Variants in TBC1D14 observed in about 807,000 individuals in gnomAD.
The protein encoded by TBC1D14 is TBC1 domain family, member 14.
TBC1D14 carries 26 observed loss-of-function variants against 79.0 expected under a neutral mutation model. That is an observed-to-expected ratio of 0.33 (90% CI 0.24 to 0.46). The LOEUF is 0.46. Ranked by LOEUF, TBC1D14 falls within the 20% of genes least tolerant of loss-of-function variation. TBC1D14 has a pLI of 1.00. For synonymous variants in TBC1D14, 394 were observed against 349.9 expected (o/e 1.13, Z -1.40); for missense variants, 769 against 887.6 (o/e 0.87, Z 1.70).
chr4:6,995,040 A>G (rs115167213), intron 4 of TBC1D14, among the ~76,000 whole-genome samples: 159 of 152,260 alleles, frequency 1.0e-3, no homozygotes, highest in African/African-American at 3.7e-3. Flanking sequence ...CTCTCCTGCA[A>G]GTGATGGTTG....
chr4:6,985,618 C>T (rs1011393602), intron 3 of TBC1D14, among the ~76,000 whole-genome samples: 4 of 152,164 alleles, frequency 2.6e-5, no homozygotes, highest in Non-Finnish European at 4.4e-5. Flanking sequence ...TTGGGGTTAT[C>T]TTTTCTTTTG....
chr4:6,960,178 C>T (rs1715056126), intron 2 of TBC1D14, among the ~76,000 whole-genome samples: 1 of 149,318 alleles, frequency 6.7e-6, no homozygotes. Flanking sequence ...GCCTCCGGGG[C>T]TCAAGTGATC....
chr4:6,926,338 G>A (rs1309775761), intron 2 of TBC1D14, among the ~76,000 whole-genome samples: 2 of 152,156 alleles, frequency 1.3e-5, no homozygotes, highest in African/African-American at 2.4e-5. Flanking sequence ...TTCTGCCGCC[G>A]TTGTGATTCA....
chr4:6,913,048 C>A (rs1349860494), intron 1 of TBC1D14, among the ~76,000 whole-genome samples: 4 of 152,174 alleles, frequency 2.6e-5, no homozygotes, highest in Admixed American at 6.5e-5. Context: ...GGCTGGAGTG[C>A]AATGGTGTGA....
At chr4:6,989,365 C>T (rs1394019289) in intron 3 of TBC1D14, among the ~76,000 whole-genome samples, 1 of 152,200 alleles carries the variant, frequency 6.6e-6, no homozygotes, top group Non-Finnish European at 1.5e-5. Context: ...CTGCACCATT[C>T]CCGGTTCAAA....
At chr4:6,958,858 G>C (rs113560740) in intron 2 of TBC1D14, among the ~76,000 whole-genome samples, 6 of 151,232 alleles carry the variant, frequency 4.0e-5, no homozygotes, top group Non-Finnish European at 5.9e-5. Flanking sequence ...TCATTGGCCA[G>C]TTTATTGGTC....
At position 7,014,440 on chromosome 4, in the gene TBC1D14, C is replaced by T. The variant is rs751294368; in HGVS notation, c.1648-8C>T. The T allele has an allele frequency of 6.3e-7, 1 of 1,584,930 alleles. No homozygotes were observed. Among genetic ancestry groups the T allele is most frequent in the Non-Finnish European group, 8.7e-7 (1 of 1,154,708 alleles). ...AGTTTCTGAGTAAATTTCATATTAT[C>T]TCCCTAGATGTTGACTTATTTTGCT... On this transcript the variant is annotated splice_polypyrimidine_tract_variant and splice_region_variant and intron_variant, in intron 11 of 13. Coordinates refer to ENST00000409757, the MANE Select transcript of TBC1D14 (RefSeq NM_020773.3).
chr4:7,026,154 C>CT (rs34608007), intron 13 of TBC1D14, among the ~76,000 whole-genome samples: 3 of 147,136 alleles, frequency 2.0e-5, no homozygotes, highest in East Asian at 2.0e-4. Flanking sequence ...CTTGATTTAA[C>CT]TTTTTTTTTT....
chr4:6,977,045 CCCTCCTCTCCCTCTCCCT>C (rs1716778370), intron 3 of TBC1D14, among the ~76,000 whole-genome samples: 1 of 103,772 alleles, frequency 9.6e-6, no homozygotes, highest in Non-Finnish European at 2.0e-5. Flanking sequence ...CTCTCCCTCT[CCCTCCTCTCCCTCTCCCT>C]CCTCTCCCTC....
intron 2 of TBC1D14, among the ~76,000 whole-genome samples, chr4:6,941,430 C>T (rs549306304): frequency 9.2e-4 from 140 of 152,266 alleles, no homozygotes; most frequent in Middle Eastern, 3.4e-3. Context: ...AGGTGATTTG[C>T]CGTCTTGGCC....
chr4:6,989,578 G>C (rs746137707), intron 3 of TBC1D14, among the ~76,000 whole-genome samples: 1 of 152,040 alleles, frequency 6.6e-6, no homozygotes, highest in Non-Finnish European at 1.5e-5. Flanking sequence ...CACATCTCAC[G>C]GTCTCACCTG....
chr4:6,991,894 G>A (rs964081887), intron 3 of TBC1D14, among the ~76,000 whole-genome samples: 1 of 152,210 alleles, frequency 6.6e-6, no homozygotes, highest in African/African-American at 2.4e-5. Flanking sequence ...TGATGTTTCT[G>A]GTCATGACTC....
intron 2 of TBC1D14, among the ~76,000 whole-genome samples, chr4:6,941,558 TGCTGTGAA>T (rs921738948): frequency 1.3e-5 from 2 of 152,156 alleles, no homozygotes; most frequent in African/African-American, 4.8e-5. Context: ...GGCAGACACT[TGCTGTGAA>T]GCTGTGGAGT....
intron 2 of TBC1D14, among the ~76,000 whole-genome samples, chr4:6,938,433 G>A (rs951094593): frequency 4.6e-5 from 7 of 152,252 alleles, no homozygotes; most frequent in East Asian, 3.9e-4. Flanking sequence ...GTGGTCACAC[G>A]AGCGTGAGGC....
At chr4:6,937,316 G>T (rs13144485) in intron 2 of TBC1D14, among the ~76,000 whole-genome samples, 11,412 of 152,320 alleles carry the variant, frequency 0.075, 584 homozygotes, top group Middle Eastern at 0.15. Context: ...TAAGATCAAG[G>T]TGCCAGCACG....
chr4:6,927,349 T>C (rs762979810), intron 2 of TBC1D14, among the ~76,000 whole-genome samples: 3 of 152,216 alleles, frequency 2.0e-5, no homozygotes, highest in Non-Finnish European at 2.9e-5. Flanking sequence ...TCATGCTGGC[T>C]GGGTTTCTCG....
intron 12 of TBC1D14, among the ~76,000 whole-genome samples, chr4:7,021,031 G>A (rs1721777471): frequency 6.6e-6 from 1 of 152,230 alleles, no homozygotes; most frequent in Admixed American, 6.5e-5. Flanking sequence ...ACAGGGCAGA[G>A]GCCAGTTCTG....
At chr4:7,027,411 C>A (rs1173855340) in intron 13 of TBC1D14, among the ~76,000 whole-genome samples, 22 of 136,836 alleles carry the variant, frequency 1.6e-4, no homozygotes, top group East Asian at 9.4e-4. Context: ...CAATCACCCC[C>A]CACACACCTA....
At chr4:6,948,684 C>T (rs941035791) in intron 2 of TBC1D14, among the ~76,000 whole-genome samples, 4 of 148,960 alleles carry the variant, frequency 2.7e-5, no homozygotes, top group African/African-American at 4.9e-5. Context: ...TTTGTCATTC[C>T]GGTGACAAGG....
Sources: gnomAD v4.1 joint callset for allele counts (sites outside exome capture counted in the v4.1 genomes callset) on GRCh38, gnomAD v4.1.1 for gene constraint, MANE v1.5 for transcripts, NCBI Gene and HGNC (gene_info 2026-07-23, HGNC 2026-07-21) for gene names.